Variants in ACTL8 observed in about 807,000 individuals in gnomAD.
ACTL8 encodes the protein actin like 8.
In ACTL8, 3 loss-of-function variants were observed where a neutral mutation model predicts 9.3. The observed-to-expected ratio is 0.32, with a 90% CI of 0.15 to 0.83. The LOEUF is 0.83. ACTL8 is among the 40% of genes least tolerant of loss of function. The probability of loss-of-function intolerance (pLI) is 0.57; values close to 1 mark genes in which losing one functional copy is unlikely to be tolerated. For synonymous variants in ACTL8, 224 were observed against 205.9 expected (o/e 1.09, Z -0.75); for missense variants, 381 against 492.2 (o/e 0.77, Z 2.14).
intron 1 of ACTL8, among the ~76,000 whole-genome samples, chr1:17,763,325 G>A (rs959747909): frequency 7.2e-5 from 11 of 151,962 alleles, no homozygotes; most frequent in Non-Finnish European, 1.3e-4. Context: ...CTCTGACCTC[G>A]CTTTCAGACC....
rs1466750722 is a variant in ACTL8 at position 17,826,217 on chromosome 1, C to A, written c.799C>A (p.Gln267Lys). ...GTTCTTTAGCCCGCAGGTGTTCGAG[C>A]AGCCGGGGCCCAGCATCCCACGGGC... is the stretch of plus-strand genomic sequence containing the variant. The part of the protein sequence containing the change: ...EMFFSPQVFE[Q>K]PGPSIPRAIV... Residue 267 changes from glutamine (Q) to lysine (K), a missense_variant, in exon 3 of 3, where the codon CAG (glutamine) becomes AAG (lysine). Gln to Lys is a moderately conservative substitution (Grantham distance 53, BLOSUM62 1). Transcript: ENST00000375406. This position sits in a 1 kb window ranked among gnomAD's most constrained non-coding sequence, Gnocchi z 4.5. 1.2e-6 allele frequency: 2 copies of A among 1,613,342 alleles called. No individual in the cohort carries two copies. The highest frequency in any genetic ancestry group is 2.7e-5 in the African/African-American group (2 of 74,922).
chr1:17,798,416 G>A (rs963018116), intron 1 of ACTL8, among the ~76,000 whole-genome samples: 7 of 152,308 alleles, frequency 4.6e-5, no homozygotes, highest in African/African-American at 1.4e-4. Flanking sequence ...GGGAGTAAGA[G>A]TAGGTGATGG....
Position 17,767,841 on chromosome 1 carries a change from CA to C in ACTL8, c.-25+12338del, listed in dbSNP as rs2066055929. Among the ~76,000 whole-genome samples the C allele has an allele frequency of 6.6e-6, 1 of 152,070 alleles. No individual in the cohort carries two copies. The highest frequency in any genetic ancestry group is 2.4e-5 in the African/African-American group (1 of 41,408). On this transcript the variant is annotated intron_variant, in intron 1 of 2. Coordinates refer to ENST00000375406, the MANE Select transcript of ACTL8 (RefSeq NM_030812.3). The surrounding 1 kb of genome is among the most constrained non-coding windows in gnomAD (Gnocchi z 4.7). Reference sequence around the variant, plus strand: ...GTGACTGCTGACACGGGAGGAATGACACTGCGTTACTCAAGCAGGTGGCAGT... The same window carrying C: ...GTGACTGCTGACACGGGAGGAATGACCTGCGTTACTCAAGCAGGTGGCAGT...
chr1:17,785,593 C>A (rs193070632), intron 1 of ACTL8, among the ~76,000 whole-genome samples: 2 of 152,230 alleles, frequency 1.3e-5, no homozygotes, highest in African/African-American at 4.8e-5. Context: ...ACCCTCTCAT[C>A]CCACTGTGAC....
intron 1 of ACTL8, among the ~76,000 whole-genome samples, chr1:17,761,320 C>T (rs1033616783): frequency 3.3e-5 from 5 of 151,876 alleles, no homozygotes; most frequent in Non-Finnish European, 7.4e-5. Context: ...AGCGCAGTGC[C>T]TGGCATGCAG....
intron 2 of ACTL8, among the ~76,000 whole-genome samples, chr1:17,824,987 G>C (rs1337342300): frequency 2.0e-5 from 3 of 151,914 alleles, no homozygotes; most frequent in Non-Finnish European, 4.4e-5. Context: ...GTGAGTAAGT[G>C]GCTGGGACCA....
At chr1:17,759,837 T>C (rs954688272) in intron 1 of ACTL8, among the ~76,000 whole-genome samples, 1 of 152,180 alleles carries the variant, frequency 6.6e-6, no homozygotes. Flanking sequence ...CTTTCAGCCC[T>C]GGGGGGCAGC....
intron 2 of ACTL8, among the ~76,000 whole-genome samples, chr1:17,824,583 G>C (rs1193173244): frequency 2.0e-5 from 3 of 152,146 alleles, no homozygotes; most frequent in Non-Finnish European, 4.4e-5. Context: ...AGTTAGACTT[G>C]AGTTTCAGAT....
At chr1:17,793,922 G>T (rs1468227748) in intron 1 of ACTL8, among the ~76,000 whole-genome samples, 2 of 152,174 alleles carry the variant, frequency 1.3e-5, no homozygotes, top group African/African-American at 2.4e-5. Flanking sequence ...AGGATGGGAA[G>T]GGGGCAGGTC....
At chr1:17,761,958 A>G (rs1311916010) in intron 1 of ACTL8, among the ~76,000 whole-genome samples, 2 of 151,924 alleles carry the variant, frequency 1.3e-5, no homozygotes, top group Non-Finnish European at 2.9e-5. Flanking sequence ...TCAGGTGGGA[A>G]GGTCTCGGGG....
At position 17,769,067 on chromosome 1, in the gene ACTL8, T is replaced by C. The variant is rs563959385; in HGVS notation, c.-25+13563T>C. ...GTTAAGTGACTTGGACAAAGTCACA[T>C]AGTGAGTCAGTCGCAAAGAAGGTCC... On this transcript the variant is annotated intron_variant, in intron 1 of 2. Transcript: ENST00000375406. 1.1e-3 allele frequency among the ~76,000 whole-genome samples: 167 copies of C among 152,246 alleles called. 3 individuals carry two copies. The highest frequency in any genetic ancestry group is 3.9e-3 in the African/African-American group (162 of 41,532).
chr1:17,772,370 A>C (rs1446094752), intron 1 of ACTL8, among the ~76,000 whole-genome samples: 1 of 152,082 alleles, frequency 6.6e-6, no homozygotes, highest in Non-Finnish European at 1.5e-5. Flanking sequence ...GTTACTCGGC[A>C]CTTCAGGGCC....
chr1:17,825,811 C>T lies in ACTL8; in HGVS notation c.393C>T (p.Asp131=). Residue 131 remains aspartate, a synonymous_variant, in exon 3 of 3, where the codon GAC becomes GAT. Coordinates refer to ENST00000375406, the MANE Select transcript of ACTL8 (RefSeq NM_030812.3). ...ATGTCCCATCGGTCCTCCTGGCCGA[C>T]CAGCTGCAGATGTCCCTGTATGCCT... is the stretch of plus-strand genomic sequence containing the variant. ...LLHVPSVLLA[D]QLQMSLYASG... is the part of the protein sequence containing the mutation. 1 of 1,614,016 alleles carries T rather than the reference C, an allele frequency of 6.2e-7. No homozygotes were observed. The highest frequency in any genetic ancestry group is 8.5e-7 in the Non-Finnish European group (1 of 1,180,002).
intron 1 of ACTL8, among the ~76,000 whole-genome samples, chr1:17,809,490 A>T (rs1557443989): frequency 6.6e-6 from 1 of 152,254 alleles, no homozygotes; most frequent in East Asian, 1.9e-4. Flanking sequence ...CCTGTTGGGA[A>T]CTAGGCAACA....
intron 1 of ACTL8, among the ~76,000 whole-genome samples, chr1:17,787,977 A>G (rs1286012498): frequency 6.6e-6 from 1 of 151,934 alleles, no homozygotes; most frequent in African/African-American, 2.4e-5. Flanking sequence ...GTTGCTTTCC[A>G]TTTTCATTTC....
intron 1 of ACTL8, among the ~76,000 whole-genome samples, chr1:17,777,574 T>C (rs1485614784): frequency 6.6e-6 from 1 of 152,194 alleles, no homozygotes. Context: ...CAGAGTATGG[T>C]GTGGAGCCAT....
In ACTL8 at chr1:17,767,921, T is replaced by C. The variant is rs561876411; in HGVS notation, c.-25+12417T>C. 1.3e-5 allele frequency among the ~76,000 whole-genome samples: 2 copies of C among 152,106 alleles called. No individual in the cohort carries two copies. The highest frequency in any genetic ancestry group is 1.9e-4 in the East Asian group (1 of 5,162). ...AGCCTCCCTGGGTGTGCAGAATGGGTGCTCGTGAATCCCTCTGGTGGGACT... is the reference window on the plus strand; with the variant it reads ...AGCCTCCCTGGGTGTGCAGAATGGGCGCTCGTGAATCCCTCTGGTGGGACT... On this transcript the variant is annotated intron_variant, in intron 1 of 2. Coordinates refer to ENST00000375406, the MANE Select transcript of ACTL8 (RefSeq NM_030812.3). The surrounding 1 kb of genome is among the most constrained non-coding windows in gnomAD (Gnocchi z 4.7).
chr1:17,826,602 T>C lies in ACTL8; in HGVS notation c.*83T>C, dbSNP rs2053725522. On this transcript the variant is annotated 3_prime_UTR_variant, in exon 3 of 3. Coordinates refer to ENST00000375406, the MANE Select transcript of ACTL8 (RefSeq NM_030812.3). The surrounding 1 kb of genome is among the most constrained non-coding windows in gnomAD (Gnocchi z 4.5). ...TTTAGCAAAATGTTCTGGGTGGGGGTAGAATGAGGTGGGGTGGGGTGAGCT... is the reference window on the plus strand; with the variant it reads ...TTTAGCAAAATGTTCTGGGTGGGGGCAGAATGAGGTGGGGTGGGGTGAGCT... 7.4e-7 allele frequency: 1 copy of C among 1,355,140 alleles called. No homozygotes were observed. Among genetic ancestry groups the C allele is most frequent in the East Asian group, 2.5e-5 (1 of 39,458 alleles). 83.9% of individuals were successfully genotyped at this position (1,355,140 alleles called of 1,614,324 possible).
intron 1 of ACTL8, among the ~76,000 whole-genome samples, chr1:17,791,735 G>A (rs1350151793): frequency 6.6e-6 from 1 of 152,234 alleles, no homozygotes; most frequent in Non-Finnish European, 1.5e-5. Context: ...CGAGGAGGGT[G>A]ATGTTTTATG....
Sources: allele counts gnomAD v4.1 joint callset (sites outside exome capture counted in the v4.1 genomes callset), GRCh38; gene constraint gnomAD v4.1.1; non-coding constraint Gnocchi (gnomAD v3.1); transcripts MANE v1.5; gene names NCBI Gene and HGNC (gene_info 2026-07-23, HGNC 2026-07-21).